The following PELI1 variants were observed in gnomAD, a reference collection of about 807,000 sequenced individuals.
The protein encoded by PELI1 is pellino E3 ubiquitin protein ligase 1, also known as E3 ubiquitin-protein ligase pellino homolog 1.
Under a neutral mutation model 41.3 loss-of-function variants are expected in PELI1, and 15 were observed. The observed-to-expected ratio is 0.36, with a 90% CI of 0.24 to 0.56. The LOEUF is 0.56. Among genes scored for constraint, PELI1 ranks in the 20% least tolerant of loss-of-function variants. The pLI is 0.82. For missense variants in PELI1, 403 were observed against 525.5 expected (o/e 0.77, Z 2.28); for synonymous variants, 178 against 180.1 (o/e 0.99, Z 0.09).
At chr2:64,097,994 T>C (rs1470880751) in intron 4 of PELI1, among the ~76,000 whole-genome samples, 1 of 152,114 alleles carries the variant, frequency 6.6e-6, no homozygotes, top group Non-Finnish European at 1.5e-5. Context: ...AGCTAAAAGA[T>C]ATAGGCCAAG....
At chr2:64,100,539 G>C in intron 3 of PELI1, 40 bp from the exon 4 acceptor site, 1 of 927,186 alleles carries the variant, frequency 1.1e-6, no homozygotes. Flanking sequence ...TAGTAGGCAG[G>C]TCAATCCAAT....
chr2:64,134,770 T>C (rs1346292116), intron 1 of PELI1, among the ~76,000 whole-genome samples: 2 of 152,166 alleles, frequency 1.3e-5, no homozygotes, highest in Non-Finnish European at 2.9e-5. Context: ...GAACATGAAA[T>C]ACTACGGATA....
intron 1 of PELI1, among the ~76,000 whole-genome samples, chr2:64,133,289 C>T (rs1236944080): frequency 6.6e-6 from 1 of 152,106 alleles, no homozygotes. Flanking sequence ...AATTCTTAAG[C>T]TCATACAGTG....
chr2:64,108,407 T>C (rs1558476529), intron 1 of PELI1, 28 bp from the exon 2 acceptor site: 3 of 750,536 alleles, frequency 4.0e-6, no homozygotes, highest in South Asian at 3.0e-5. Flanking sequence ...TCATTAATAA[T>C]GTGAACAATT....
intron 4 of PELI1, among the ~76,000 whole-genome samples, chr2:64,096,910 C>G (rs1269447836): frequency 2.0e-5 from 3 of 152,142 alleles, no homozygotes; most frequent in African/African-American, 7.2e-5. Context: ...TTAATTTTAA[C>G]CCTTTTGGAT....
At chr2:64,107,149 G>C (rs185319950) in intron 2 of PELI1, among the ~76,000 whole-genome samples, 2 of 152,106 alleles carry the variant, frequency 1.3e-5, no homozygotes, top group East Asian at 1.9e-4. Flanking sequence ...GGCTGGTCTC[G>C]AACTCCTGAG....
intron 1 of PELI1, among the ~76,000 whole-genome samples, chr2:64,131,379 T>C (rs1021265255): frequency 6.6e-6 from 1 of 152,082 alleles, no homozygotes; most frequent in African/African-American, 2.4e-5. Context: ...ACCTCTGACT[T>C]ATAATACCTA....
At position 64,096,591 on chromosome 2, in the gene PELI1, C is replaced by T. The variant is rs138026181; in HGVS notation, c.323G>A (p.Ser108Asn). The T allele has an allele frequency of 1.5e-4, 239 of 1,610,822 alleles. No individual in the cohort carries two copies. The highest frequency in any genetic ancestry group is 1.9e-4 in the Non-Finnish European group (227 of 1,177,650). Residue 108 changes from serine to asparagine, a missense_variant, in exon 5 of 7, where the codon AGC becomes AAC. By Grantham distance (46) the Ser-to-Asn change is conservative. Transcript: ENST00000358912. Reference sequence around the variant, plus strand: ...GTCAGTTACTACAAAATCAATGGGGCTTTCAGTCGACCGGCCAATCTGAGG... The same window carrying T: ...GTCAGTTACTACAAAATCAATGGGGTTTTCAGTCGACCGGCCAATCTGAGG... Reference protein sequence around the residue: ...DMFQIGRSTESPIDFVVTDTV... With the variant: ...DMFQIGRSTENPIDFVVTDTV...
At chr2:64,137,483 A>G (rs903362435) in intron 1 of PELI1, among the ~76,000 whole-genome samples, 5 of 151,694 alleles carry the variant, frequency 3.3e-5, no homozygotes, top group African/African-American at 9.7e-5. Context: ...ATGATCTTGT[A>G]TGTGTGTGTG....
rs1576103023 is a variant in PELI1 at position 64,134,835 on chromosome 2, A to C, written c.-70+9246T>G. Among the ~76,000 whole-genome samples, 3 of 152,256 alleles carry C rather than the reference A, an allele frequency of 2.0e-5. No individual in the cohort carries two copies. The Middle Eastern group carries it at 0.01, about 518-fold the overall frequency. On this transcript the variant is annotated intron_variant, in intron 1 of 6. Transcript: ENST00000358912. ...TAAAGTTTTGAAAAACCAACAAAGC[A>C]CTTTCAATTGTTTTCACTTATTGTT...
chr2:64,095,060 A>C lies in PELI1; in HGVS notation c.899T>G (p.Val300Gly). 1 of 1,614,172 alleles carries C rather than the reference A, an allele frequency of 6.2e-7. No homozygotes were observed. Among genetic ancestry groups the C allele is most frequent in the Non-Finnish European group, 8.5e-7 (1 of 1,179,986 alleles). Residue 300 changes from valine (V) to glycine (G), a missense_variant, in exon 7 of 7, where the codon GTA becomes GGA. By Grantham distance (109) the Val-to-Gly change is moderately radical. Coordinates refer to ENST00000358912, the MANE Select transcript of PELI1 (RefSeq NM_020651.4). ...ATATACCCATGGTTGTTTTTCATCTACAACGTCTTTCCTCTTCATACTAGG... is the reference window on the plus strand; with the variant it reads ...ATATACCCATGGTTGTTTTTCATCTCCAACGTCTTTCCTCTTCATACTAGG... ...AFPSMKRKDV[V>G]DEKQPWVYLN... is the part of the protein sequence containing the mutation.
chr2:64,113,262 G>A (rs778580968), intron 1 of PELI1, among the ~76,000 whole-genome samples: 9 of 150,928 alleles, frequency 6.0e-5, no homozygotes, highest in Non-Finnish European at 1.0e-4. Context: ...TGATCCTCCA[G>A]CCTGGGTGAC....
rs1680120194 is a variant in PELI1 at position 64,093,492 on chromosome 2, A to G, written c.*1210T>C. ...AGAAACTTTTCTTGCTTCTGGAAGC[A>G]AAAGACATATTGGAATTAGAGAATA... On this transcript the variant is annotated 3_prime_UTR_variant, in exon 7 of 7. Transcript: ENST00000358912. 6.5e-6 allele frequency: 1 copy of G among 152,674 alleles called. No individual in the cohort carries two copies. Among genetic ancestry groups the G allele is most frequent in the African/African-American group, 2.4e-5 (1 of 41,472 alleles). 9.5% of individuals were successfully genotyped at this position (152,674 alleles called of 1,614,324 possible).
At chr2:64,111,404 C>T (rs1310903021) in intron 1 of PELI1, among the ~76,000 whole-genome samples, 1 of 152,044 alleles carries the variant, frequency 6.6e-6, no homozygotes. Context: ...TTCACACTAA[C>T]ACACAACTAC....
At position 64,094,605 on chromosome 2, in the gene PELI1, G is replaced by T; in HGVS notation, c.*97C>A. 2 of 744,254 alleles carry T rather than the reference G, an allele frequency of 2.7e-6. No homozygotes were observed. The highest frequency in any genetic ancestry group is 4.4e-6 in the Non-Finnish European group (2 of 451,826). 46.1% of individuals were successfully genotyped at this position (744,254 alleles called of 1,614,324 possible). A position where few individuals can be genotyped will look rare whatever the true frequency, so the allele number is the denominator to read the frequency against. On this transcript the variant is annotated 3_prime_UTR_variant, in exon 7 of 7. Coordinates refer to ENST00000358912, the MANE Select transcript of PELI1 (RefSeq NM_020651.4). Reference sequence around the variant, plus strand: ...AAAAATTCTTCATCTTAATGCAAATGACCAGAGCAGAAAAACTGTGACGTG... The same window carrying T: ...AAAAATTCTTCATCTTAATGCAAATTACCAGAGCAGAAAAACTGTGACGTG...
rs753995737 is a variant in PELI1 at position 64,096,211 on chromosome 2, T to C, written c.604A>G (p.Lys202Glu). ...GATATTTCTCTCCATATTCCAGGCTTGGAGTCTTCTGTGAACCCATTGCGT... is the reference window on the plus strand; with the variant it reads ...GATATTTCTCTCCATATTCCAGGCTCGGAGTCTTCTGTGAACCCATTGCGT... Reference protein sequence around the residue: ...HPRNGFTEDSKPGIWREISVC... With the variant: ...HPRNGFTEDSEPGIWREISVC... Residue 202 changes from lysine (K) to glutamate (E), a missense_variant, in exon 6 of 7, where the codon AAG becomes GAG. Transcript: ENST00000358912. The C allele has an allele frequency of 6.2e-7, 1 of 1,614,062 alleles. No individual in the cohort carries two copies. The highest frequency in any genetic ancestry group is 1.7e-5 in the Admixed American group (1 of 60,020).
At position 64,095,150 on chromosome 2, in the gene PELI1, G is replaced by A; in HGVS notation, c.809C>T (p.Ala270Val). The change falls in exon 7 of 7, where the codon GCT becomes GTT. Residue 270 changes from alanine (A) to valine (V), a missense_variant. Transcript: ENST00000358912. Reference protein sequence around the residue: ...SHTPTVKHLEALRQEINAARP... With the variant: ...SHTPTVKHLEVLRQEINAARP... ...TGCTGCATTGATTTCCTGTCTTAAA[G>A]CTTCTAAATGCTTCACGGTAGGAGT... 6.2e-7 allele frequency: 1 copy of A among 1,614,152 alleles called. No individual in the cohort carries two copies. The highest frequency in any genetic ancestry group is 2.2e-5 in the East Asian group (1 of 44,894).
At chr2:64,116,653 T>C (rs1189937907) in intron 1 of PELI1, among the ~76,000 whole-genome samples, 1 of 152,210 alleles carries the variant, frequency 6.6e-6, no homozygotes, top group African/African-American at 2.4e-5. Flanking sequence ...ATTTTACAGA[T>C]AATAAAACTA....
chr2:64,100,430 A>G lies in PELI1; in HGVS notation c.271T>C (p.Tyr91His). 1 of 1,570,698 alleles carries G rather than the reference A, an allele frequency of 6.4e-7. No individual in the cohort carries two copies. The highest frequency in any genetic ancestry group is 8.8e-7 in the Non-Finnish European group (1 of 1,140,490). ...ATATCGGTGTTGCTGTCATGAGTAT[A>G]TTCAACCACCACAGTCTGGGCCCGA... ...LSRAQTVVVE[Y>H]THDSNTDMFQ... The change falls in exon 4 of 7, where the codon TAT becomes CAT. Residue 91 changes from tyrosine (Y) to histidine (H), a missense_variant. Tyr to His is a moderately conservative substitution (Grantham distance 83). Coordinates refer to ENST00000358912, the MANE Select transcript of PELI1 (RefSeq NM_020651.4).
Sources: gnomAD v4.1 joint callset for allele counts (sites outside exome capture counted in the v4.1 genomes callset) on GRCh38, gnomAD v4.1.1 for gene constraint, MANE v1.5 for transcripts, NCBI Gene and HGNC (gene_info 2026-07-23, HGNC 2026-07-21) for gene names.